The following CDKAL1 variants were observed in gnomAD, a reference collection of about 807,000 sequenced individuals.
CDKAL1 encodes CDKAL1 threonylcarbamoyladenosine tRNA methylthiotransferase.
In CDKAL1, 32 loss-of-function variants were observed where a neutral mutation model predicts 68.2. The ratio of observed to expected loss-of-function variants is 0.47; its 90% confidence interval spans 0.35 to 0.63. The LOEUF is 0.63. CDKAL1 is among the 30% of genes least tolerant of loss of function. The probability of loss-of-function intolerance (pLI) is 0.00; values close to 1 mark genes in which losing one functional copy is unlikely to be tolerated. For missense variants in CDKAL1, 606 were observed against 696.7 expected (o/e 0.87, Z 1.47); for synonymous variants, 234 against 244.3 (o/e 0.96, Z 0.39).
intron 8 of CDKAL1, among the ~76,000 whole-genome samples, chr6:20,835,832 G>C (rs1777916224): frequency 6.6e-6 from 1 of 152,114 alleles, no homozygotes; most frequent in South Asian, 2.1e-4. Context: ...TTATAGGCAT[G>C]AGTCACTGCG....
intron 10 of CDKAL1, among the ~76,000 whole-genome samples, chr6:20,998,662 G>C (rs1767256743): frequency 6.6e-6 from 1 of 150,412 alleles, no homozygotes; most frequent in South Asian, 2.1e-4. Context: ...ACCCAGCCCA[G>C]AAATGTAACA....
chr6:20,942,645 G>A (rs191721197), intron 9 of CDKAL1, among the ~76,000 whole-genome samples: 2,553 of 148,526 alleles, frequency 0.017, 27 homozygotes, highest in Non-Finnish European at 0.026. Flanking sequence ...GGGATTACAG[G>A]CGTGAGCCAC....
chr6:21,166,953 C>T (rs1328555526), intron 13 of CDKAL1, among the ~76,000 whole-genome samples: 1 of 152,184 alleles, frequency 6.6e-6, no homozygotes, highest in Non-Finnish European at 1.5e-5. Flanking sequence ...TCTGGTTCCA[C>T]CATATACCAG....
chr6:21,090,892 A>G lies in CDKAL1; in HGVS notation c.1237-17509A>G, dbSNP rs556673479. On this transcript the variant is annotated intron_variant, in intron 12 of 15. Coordinates refer to ENST00000274695, the MANE Select transcript of CDKAL1 (RefSeq NM_017774.3). ...AAAATAATGGCTCACTGCAGCCTCA[A>G]CCTCCTGGGTCACACGATCCTCCTG... Among the ~76,000 whole-genome samples, 39 of 145,076 alleles carry G rather than the reference A, an allele frequency of 2.7e-4. 2 individuals carry two copies. The highest frequency in any genetic ancestry group is 9.4e-4 in the African/African-American group (37 of 39,192).
At chr6:21,175,425 C>T (rs1401985317) in intron 13 of CDKAL1, among the ~76,000 whole-genome samples, 3 of 152,146 alleles carry the variant, frequency 2.0e-5, no homozygotes, top group Non-Finnish European at 4.4e-5. Flanking sequence ...TTTGTTGAAA[C>T]AACAAAGCTC....
At chr6:21,177,141 T>A (rs958577392) in intron 13 of CDKAL1, among the ~76,000 whole-genome samples, 12 of 152,222 alleles carry the variant, frequency 7.9e-5, no homozygotes, top group African/African-American at 2.9e-4. Flanking sequence ...CATACTGCAA[T>A]ATGCTTTTTG....
chr6:20,547,858 A>G (rs760096632), intron 3 of CDKAL1, among the ~76,000 whole-genome samples: 7 of 152,196 alleles, frequency 4.6e-5, no homozygotes, highest in Admixed American at 1.3e-4. Context: ...TAAGTTACTT[A>G]TATCTGTAAG....
chr6:20,659,274 G>A (rs113923981), intron 5 of CDKAL1, among the ~76,000 whole-genome samples: 2,298 of 152,150 alleles, frequency 0.015, 25 homozygotes, highest in Non-Finnish European at 0.022. Flanking sequence ...ATAGTTTGTT[G>A]ATTTTTTGTT....
At chr6:20,848,024 G>T (rs770824102) in intron 9 of CDKAL1, among the ~76,000 whole-genome samples, 6 of 152,176 alleles carry the variant, frequency 3.9e-5, no homozygotes, top group Non-Finnish European at 7.3e-5. Context: ...GTGGTCCATG[G>T]TCAGTCTGAT....
intron 11 of CDKAL1, among the ~76,000 whole-genome samples, chr6:21,008,659 T>G (rs576783954): frequency 7.4e-4 from 113 of 152,294 alleles, no homozygotes; most frequent in South Asian, 2.7e-3. Flanking sequence ...TTCATGGTCC[T>G]TTTTTGACTG....
At position 21,000,271 on chromosome 6, in the gene CDKAL1, G is replaced by C; in HGVS notation, c.954G>C (p.Leu318=). 1 of 1,613,874 alleles carries C rather than the reference G, an allele frequency of 6.2e-7. No individual in the cohort carries two copies. Among genetic ancestry groups the C allele is most frequent in the Non-Finnish European group, 8.5e-7 (1 of 1,179,836 alleles). ...ILNHPRVYAF[L]HIPVQSASDS... Reference sequence around the variant, plus strand: ...ATCACCCCAGAGTCTACGCTTTTCTGCACATACCAGTCCAGTCTGCCTCCG... The same window carrying C: ...ATCACCCCAGAGTCTACGCTTTTCTCCACATACCAGTCCAGTCTGCCTCCG... The change falls in exon 11 of 16, where the codon CTG becomes CTC. Residue 318 remains leucine (L), a synonymous_variant. Transcript: ENST00000274695.
intron 13 of CDKAL1, among the ~76,000 whole-genome samples, chr6:21,121,022 A>C (rs982226922): frequency 6.6e-6 from 1 of 152,158 alleles, no homozygotes; most frequent in Non-Finnish European, 1.5e-5. Context: ...ATCATGATAG[A>C]TATTGGCCGA....
chr6:21,038,042 T>C (rs778706590), intron 11 of CDKAL1, among the ~76,000 whole-genome samples: 5 of 152,180 alleles, frequency 3.3e-5, no homozygotes, highest in Non-Finnish European at 7.4e-5. Context: ...ACAAGCATGA[T>C]TACTGTCCAC....
At chr6:20,581,598 A>G (rs191357386) in intron 4 of CDKAL1, among the ~76,000 whole-genome samples, 5 of 152,304 alleles carry the variant, frequency 3.3e-5, no homozygotes, top group Non-Finnish European at 5.9e-5. Context: ...TCAGTGTTAA[A>G]GTGACCCCAG....
chr6:20,924,782 G>A (rs1259739423), intron 9 of CDKAL1, among the ~76,000 whole-genome samples: 1 of 152,192 alleles, frequency 6.6e-6, no homozygotes, highest in Non-Finnish European at 1.5e-5. Flanking sequence ...TGAAGAAATT[G>A]CAGCAATTAT....
chr6:21,184,823 AT>A (rs34599800), intron 13 of CDKAL1, among the ~76,000 whole-genome samples: 1,765 of 101,588 alleles, frequency 0.017, 13 homozygotes, highest in Middle Eastern at 0.042. Flanking sequence ...CGTGCAGCTA[AT>A]TTTTTTTTTT....
intron 11 of CDKAL1, among the ~76,000 whole-genome samples, chr6:21,010,918 T>TAAA (rs1767976021): frequency 6.7e-6 from 1 of 149,942 alleles, no homozygotes; most frequent in Non-Finnish European, 1.5e-5. Flanking sequence ...CTGTCTCTAC[T>TAAA]AAAAATACAA....
At chr6:21,053,825 TAGTG>T (rs1253403185) in intron 11 of CDKAL1, among the ~76,000 whole-genome samples, 1 of 152,204 alleles carries the variant, frequency 6.6e-6, no homozygotes, top group Non-Finnish European at 1.5e-5. Flanking sequence ...GTCTTCCTGT[TAGTG>T]AGTCATAGTT....
intron 6 of CDKAL1, among the ~76,000 whole-genome samples, chr6:20,744,472 A>T (rs1191348685): frequency 6.6e-6 from 1 of 152,134 alleles, no homozygotes; most frequent in Non-Finnish European, 1.5e-5. Flanking sequence ...AAATCGTCCC[A>T]GATCCCTGTC....
Sources: gnomAD v4.1 joint callset for allele counts (sites outside exome capture counted in the v4.1 genomes callset) on GRCh38, gnomAD v4.1.1 for gene constraint, MANE v1.5 for transcripts, NCBI Gene and HGNC (gene_info 2026-07-23, HGNC 2026-07-21) for gene names.